Variants in CSMD1 observed in about 807,000 individuals in gnomAD.
CSMD1 encodes CUB and Sushi multiple domains 1, also known as CUB and sushi domain-containing protein 1.
A neutral mutation model predicts 417.5 loss-of-function variants in CSMD1; 213 were observed. The ratio of observed to expected loss-of-function variants is 0.51; its 90% CI spans 0.46 to 0.57. CSMD1 has a LOEUF of 0.57. Ranked by LOEUF, CSMD1 falls within the 20% of genes least tolerant of loss-of-function variation. The probability of loss-of-function intolerance (pLI) is 0.00; values close to 1 mark genes in which losing one functional copy is unlikely to be tolerated. For synonymous variants in CSMD1, 2,862 were observed against 1,736.8 expected (o/e 1.65, Z -16.11); for missense variants, 6,923 against 4,529.7 (o/e 1.53, Z -15.17).
In CSMD1 at chr8:3,125,704, C is replaced by T. The variant is rs1040870236; in HGVS notation, c.6242-7117G>A. On this transcript the variant is annotated intron_variant, in intron 41 of 69. Coordinates refer to ENST00000635120, the MANE Select transcript of CSMD1 (RefSeq NM_033225.6). ...TAAAAAGTTGAATTAAGGCCAGGTG[C>T]CGTGGCTCATGCCTGTAATCCCAGC... Among the ~76,000 whole-genome samples the T allele has an allele frequency of 4.1e-4, 63 of 152,168 alleles. 1 individual carries two copies. The highest frequency in any genetic ancestry group is 3.4e-3 in the Admixed American group (52 of 15,278).
At chr8:3,978,344 G>A (rs1813603419) in intron 5 of CSMD1, among the ~76,000 whole-genome samples, 1 of 151,974 alleles carries the variant, frequency 6.6e-6, no homozygotes, top group South Asian at 2.1e-4. Flanking sequence ...TTCCTTTTTG[G>A]TAAGCACATA....
rs547413057 is a variant in CSMD1, at chr8:3,642,625, G to C, written c.1010-25828C>G. Among the ~76,000 whole-genome samples the C allele has an allele frequency of 2.6e-5, 4 of 152,306 alleles. No individual in the cohort carries two copies. In the South Asian group the frequency reaches 8.3e-4, roughly 32 times the overall value. On this transcript the variant is annotated intron_variant, in intron 7 of 69. Coordinates refer to ENST00000635120, the MANE Select transcript of CSMD1 (RefSeq NM_033225.6). ...ACGAGAAAACCTGGCATCGTGAGTG[G>C]AAGTAGGCAGGTTAACGGACGGTCG...
intron 6 of CSMD1, among the ~76,000 whole-genome samples, chr8:3,729,463 T>A (rs144254783): frequency 2.6e-5 from 4 of 152,264 alleles, no homozygotes; most frequent in Admixed American, 2.6e-4. Context: ...GAAATACATT[T>A]CAAGTGCTTG....
At position 4,868,278 on chromosome 8, in the gene CSMD1, G is replaced by C. The variant is rs111950740; in HGVS notation, c.85+126054C>G. Among the ~76,000 whole-genome samples, 10 of 152,132 alleles carry C rather than the reference G, an allele frequency of 6.6e-5. 1 individual carries two copies. The highest frequency in any genetic ancestry group is 2.4e-4 in the African/African-American group (10 of 41,450). On this transcript the variant is annotated intron_variant, in intron 1 of 69. Coordinates refer to ENST00000635120, the MANE Select transcript of CSMD1 (RefSeq NM_033225.6). ...AGACAGAGTTTCACACTTTCACCCA[G>C]GCTGGAGAGCAGTGGCGCGATCTCG...
chr8:4,530,967 C>A (rs1000148049), intron 2 of CSMD1, among the ~76,000 whole-genome samples: 1 of 152,020 alleles, frequency 6.6e-6, no homozygotes, highest in African/African-American at 2.4e-5. Flanking sequence ...CTGAGCCATA[C>A]CCTCCGGCAC....
chr8:4,851,380 A>G (rs1801471567), intron 1 of CSMD1, among the ~76,000 whole-genome samples: 1 of 151,422 alleles, frequency 6.6e-6, no homozygotes, highest in Non-Finnish European at 1.5e-5. Context: ...GATCCCACCA[A>G]TTCCTGCTTT....
intron 2 of CSMD1, among the ~76,000 whole-genome samples, chr8:4,552,742 T>C (rs1037853735): frequency 6.6e-6 from 1 of 152,210 alleles, no homozygotes; most frequent in African/African-American, 2.4e-5. Context: ...TGAAACTAGA[T>C]AGGCATCGTT....
intron 3 of CSMD1, among the ~76,000 whole-genome samples, chr8:4,310,817 C>T (rs1261811992): frequency 6.6e-6 from 1 of 152,152 alleles, no homozygotes; most frequent in Non-Finnish European, 1.5e-5. Flanking sequence ...CTCACCTTTG[C>T]TTATTTCAGC....
At chr8:3,014,924 T>TTAAA (rs1808710349) in intron 52 of CSMD1, among the ~76,000 whole-genome samples, 2 of 151,790 alleles carry the variant, frequency 1.3e-5, no homozygotes, top group Non-Finnish European at 2.9e-5. Context: ...TCAAACATAA[T>TTAAA]TAAATAAATA....
At chr8:4,032,654 T>C (rs1399877175) in intron 3 of CSMD1, among the ~76,000 whole-genome samples, 2 of 152,156 alleles carry the variant, frequency 1.3e-5, no homozygotes, top group African/African-American at 2.4e-5. Flanking sequence ...TCCATCAATG[T>C]ATAAAAAAAT....
intron 5 of CSMD1, among the ~76,000 whole-genome samples, chr8:3,986,250 T>A (rs1294848837): frequency 6.6e-6 from 1 of 152,102 alleles, no homozygotes; most frequent in African/African-American, 2.4e-5. Context: ...ATAACTTCCC[T>A]CGCCTGGCTG....
At chr8:4,912,349 T>C (rs549013850) in intron 1 of CSMD1, among the ~76,000 whole-genome samples, 4 of 92,506 alleles carry the variant, frequency 4.3e-5, no homozygotes, top group Non-Finnish European at 8.5e-5. Flanking sequence ...CATTAAGAAA[T>C]CATTTTCTGC....
intron 2 of CSMD1, among the ~76,000 whole-genome samples, chr8:4,475,913 C>G (rs182318157): frequency 1.3e-3 from 195 of 152,104 alleles, no homozygotes; most frequent in African/African-American, 4.4e-3. Context: ...TCACCTGGCT[C>G]TTTTATTATA....
At chr8:4,973,237 C>A (rs1027087469) in intron 1 of CSMD1, among the ~76,000 whole-genome samples, 2 of 152,058 alleles carry the variant, frequency 1.3e-5, no homozygotes, top group Admixed American at 6.6e-5. Context: ...AAAGCATTTT[C>A]TTGGAATTTA....
chr8:3,630,379 G>T (rs555088081), intron 7 of CSMD1, among the ~76,000 whole-genome samples: 1 of 152,182 alleles, frequency 6.6e-6, no homozygotes, highest in African/African-American at 2.4e-5. Flanking sequence ...CCCTCAGGAA[G>T]GAACGAGACT....
At chr8:4,068,457 A>C (rs967166039) in intron 3 of CSMD1, among the ~76,000 whole-genome samples, 3 of 152,200 alleles carry the variant, frequency 2.0e-5, no homozygotes, top group African/African-American at 7.2e-5. Flanking sequence ...TTTTAGAAAG[A>C]AGTCTTTCAT....
chr8:4,682,394 C>A (rs530911340), intron 1 of CSMD1, among the ~76,000 whole-genome samples: 2 of 152,010 alleles, frequency 1.3e-5, no homozygotes, highest in Admixed American at 6.6e-5. Flanking sequence ...GTATCTGTGT[C>A]CTCAGGTATG....
At chr8:4,911,738 T>C (rs1478379856) in intron 1 of CSMD1, among the ~76,000 whole-genome samples, 3 of 152,168 alleles carry the variant, frequency 2.0e-5, no homozygotes, top group Non-Finnish European at 4.4e-5. Flanking sequence ...AAGGGACTGG[T>C]AAATCACGTT....
chr8:3,973,304 T>A (rs1009865289), intron 5 of CSMD1, among the ~76,000 whole-genome samples: 2 of 152,304 alleles, frequency 1.3e-5, no homozygotes, highest in East Asian at 3.9e-4. Flanking sequence ...GCCGAGGGAT[T>A]TGAATATCAG....
Sources: gnomAD v4.1 joint callset for allele counts (sites outside exome capture counted in the v4.1 genomes callset) on GRCh38, gnomAD v4.1.1 for gene constraint, MANE v1.5 for transcripts, NCBI Gene and HGNC (gene_info 2026-07-23, HGNC 2026-07-21) for gene names.